The following DLG2 variants were observed in gnomAD, a reference collection of about 807,000 sequenced individuals.
The protein encoded by DLG2 is discs large MAGUK scaffold protein 2.
A neutral mutation model predicts 132.5 loss-of-function variants in DLG2; 45 were observed. The ratio of observed to expected loss-of-function variants is 0.34; its 90% CI spans 0.27 to 0.44. The LOEUF (loss-of-function observed/expected upper bound fraction) is 0.44, where lower values mean the gene tolerates loss of function less well. Among genes scored for constraint, DLG2 ranks in the 20% least tolerant of loss-of-function variants. The probability of loss-of-function intolerance (pLI) is 1.00; values close to 1 mark genes in which losing one functional copy is unlikely to be tolerated. For synonymous variants in DLG2, 424 were observed against 419.6 expected (o/e 1.01, Z -0.13); for missense variants, 1,045 against 1,196.9 (o/e 0.87, Z 1.87).
chr11:85,405,834 G>C (rs1037614497), intron 3 of DLG2, among the ~76,000 whole-genome samples: 61 of 151,888 alleles, frequency 4.0e-4, no homozygotes, highest in Admixed American at 3.9e-4. Flanking sequence ...ATCCAGACAT[G>C]TACCAACTGA....
intron 6 of DLG2, among the ~76,000 whole-genome samples, chr11:84,641,008 A>T (rs2099661538): frequency 6.6e-6 from 1 of 151,924 alleles, no homozygotes. Flanking sequence ...TTTTACATTT[A>T]AAAAATAAAC....
In DLG2 at chr11:84,431,970, G is replaced by A. The variant is rs146624627; in HGVS notation, c.519+102600C>T. Among the ~76,000 whole-genome samples, 533 of 152,106 alleles carry A rather than the reference G, an allele frequency of 3.5e-3. 6 individuals are homozygous for A. Among genetic ancestry groups the A allele is most frequent in the African/African-American group, 0.012 (489 of 41,494 alleles). On this transcript the variant is annotated intron_variant, in intron 7 of 27. Transcript: ENST00000376104. ...ACTTCAAATCAATTAAATATCATACGAAAGACAACTATGTGTCAAGCATTC... is the reference window on the plus strand; with the variant it reads ...ACTTCAAATCAATTAAATATCATACAAAAGACAACTATGTGTCAAGCATTC...
intron 6 of DLG2, among the ~76,000 whole-genome samples, chr11:85,101,104 C>A (rs753885576): frequency 1.3e-5 from 2 of 152,026 alleles, no homozygotes; most frequent in African/African-American, 2.4e-5. Context: ...CAAATTATAT[C>A]ATAAAGCGTA....
intron 6 of DLG2, among the ~76,000 whole-genome samples, chr11:84,982,277 C>G (rs907396197): frequency 1.3e-5 from 2 of 152,146 alleles, no homozygotes; most frequent in Non-Finnish European, 2.9e-5. Flanking sequence ...CTCTACTTAG[C>G]TATCTTAAAG....
chr11:84,974,369 T>C (rs1414972474), intron 6 of DLG2, among the ~76,000 whole-genome samples: 7 of 152,194 alleles, frequency 4.6e-5, no homozygotes, highest in Admixed American at 4.6e-4. Context: ...GAATCCCAGT[T>C]CAGCCAGTTA....
At chr11:83,534,652 AG>A (rs1167900187) in intron 20 of DLG2, among the ~76,000 whole-genome samples, 1 of 152,204 alleles carries the variant, frequency 6.6e-6, no homozygotes, top group Non-Finnish European at 1.5e-5. Flanking sequence ...AAACAATGTA[AG>A]GCCGGGTGCG....
At chr11:83,763,450 T>TA (rs2153769792) in intron 18 of DLG2, among the ~76,000 whole-genome samples, 1 of 152,346 alleles carries the variant, frequency 6.6e-6, no homozygotes, top group East Asian at 1.9e-4. Flanking sequence ...GCTTCCTTCT[T>TA]ACTTTTGCTT....
intron 3 of DLG2, among the ~76,000 whole-genome samples, chr11:85,553,833 T>C (rs1457492226): frequency 6.6e-6 from 1 of 151,044 alleles, no homozygotes; most frequent in Non-Finnish European, 1.5e-5. Flanking sequence ...AATTTCCACA[T>C]AAAAATTATG....
chr11:83,834,714 A>G (rs1434826653), intron 16 of DLG2, among the ~76,000 whole-genome samples: 1 of 152,220 alleles, frequency 6.6e-6, no homozygotes, highest in East Asian at 1.9e-4. Flanking sequence ...AAGGTCAGAG[A>G]TCAAATCTTG....
chr11:85,246,808 T>G (rs750760481), intron 4 of DLG2, among the ~76,000 whole-genome samples: 2 of 152,088 alleles, frequency 1.3e-5, no homozygotes, highest in African/African-American at 2.4e-5. Context: ...TGAACATAAG[T>G]CTATATCCAA....
intron 7 of DLG2, among the ~76,000 whole-genome samples, chr11:84,308,034 C>T (rs2098244611): frequency 6.6e-6 from 1 of 152,144 alleles, no homozygotes. Flanking sequence ...AGATTTATTG[C>T]AAAGAGCGAA....
chr11:84,670,301 C>T (rs1450973434), intron 6 of DLG2, among the ~76,000 whole-genome samples: 1 of 152,090 alleles, frequency 6.6e-6, no homozygotes, highest in Non-Finnish European at 1.5e-5. Context: ...CTCTCTCCTT[C>T]AAATTTGTTT....
At chr11:85,597,536 T>G (rs1032632318) in intron 3 of DLG2, among the ~76,000 whole-genome samples, 1 of 151,966 alleles carries the variant, frequency 6.6e-6, no homozygotes, top group South Asian at 2.1e-4. Context: ...AATAAAATAT[T>G]TTTTAAAAGT....
intron 9 of DLG2, among the ~76,000 whole-genome samples, chr11:84,132,445 G>C (rs2094454813): frequency 6.6e-6 from 1 of 151,880 alleles, no homozygotes; most frequent in Non-Finnish European, 1.5e-5. Flanking sequence ...CACCTTCTCA[G>C]TTGGCAATGA....
intron 4 of DLG2, among the ~76,000 whole-genome samples, chr11:85,201,636 C>CA (rs763123030): frequency 5.3e-5 from 8 of 152,032 alleles, no homozygotes; most frequent in Non-Finnish European, 1.2e-4. Flanking sequence ...AGTACAGGCA[C>CA]AAAAAAGACT....
chr11:84,308,893 G>A (rs747716752), intron 7 of DLG2, among the ~76,000 whole-genome samples: 5 of 152,180 alleles, frequency 3.3e-5, no homozygotes, highest in Non-Finnish European at 7.3e-5. Flanking sequence ...ATGGCGCGCA[G>A]CCCCAGTTCC....
intron 4 of DLG2, among the ~76,000 whole-genome samples, chr11:85,176,391 TAGG>T (rs1296056077): frequency 6.6e-6 from 1 of 152,164 alleles, no homozygotes. Flanking sequence ...CAAATGGTGC[TAGG>T]AGAACTGGCT....
At chr11:85,168,773 T>C (rs2078638737) in intron 4 of DLG2, among the ~76,000 whole-genome samples, 1 of 152,170 alleles carries the variant, frequency 6.6e-6, no homozygotes, top group African/African-American at 2.4e-5. Context: ...TCCAGCTATA[T>C]AGTTGTTTAT....
chr11:83,871,423 G>A (rs554390581), intron 16 of DLG2, among the ~76,000 whole-genome samples: 1 of 152,266 alleles, frequency 6.6e-6, no homozygotes, highest in South Asian at 2.1e-4. Context: ...CAACTTGGGT[G>A]AAAATTATAT....
Sources: gnomAD v4.1 joint callset for allele counts (sites outside exome capture counted in the v4.1 genomes callset) on GRCh38, gnomAD v4.1.1 for gene constraint, MANE v1.5 for transcripts, NCBI Gene and HGNC (gene_info 2026-07-23, HGNC 2026-07-21) for gene names.